TMTC1: variants seen among roughly 807,000 people sequenced by gnomAD.
TMTC1 encodes the protein transmembrane O-mannosyltransferase targeting cadherins 1.
A neutral mutation model predicts 104.8 loss-of-function variants in TMTC1; 73 were observed. The ratio of observed to expected loss-of-function variants is 0.70; its 90% CI spans 0.58 to 0.85. The LOEUF (loss-of-function observed/expected upper bound fraction) is 0.85. TMTC1 is among the 40% of genes least tolerant of loss of function. The pLI is 0.00. For synonymous variants in TMTC1, 434 were observed against 428.7 expected (o/e 1.01, Z -0.15); for missense variants, 1,035 against 1,096.1 (o/e 0.94, Z 0.79).
chr12:29,507,113 T>C, intron 17 of TMTC1, 127 bp from the exon 18 acceptor site: 1 of 762,026 alleles, frequency 1.3e-6, no homozygotes, highest in South Asian at 1.7e-5. Context: ...AAACTCTGTC[T>C]GTATGTGTAA....
intron 1 of TMTC1, among the ~76,000 whole-genome samples, chr12:29,778,901 A>T (rs1241726154): frequency 6.6e-6 from 1 of 152,224 alleles, no homozygotes; most frequent in Non-Finnish European, 1.5e-5. Flanking sequence ...CCAGCAGGGC[A>T]GCAGGGCCAT....
chr12:29,565,494 G>A (rs1260635978), intron 9 of TMTC1, among the ~76,000 whole-genome samples: 1 of 152,152 alleles, frequency 6.6e-6, no homozygotes, highest in African/African-American at 2.4e-5. Context: ...CGACATTTAG[G>A]TTTTACATTA....
intron 5 of TMTC1, among the ~76,000 whole-genome samples, chr12:29,703,143 C>CAAA (rs201319751): frequency 5.3e-5 from 4 of 75,680 alleles, no homozygotes; most frequent in African/African-American, 2.0e-4. Context: ...GACTCAGTCT[C>CAAA]AAAAAAAAAA....
chr12:29,755,709 G>T lies in TMTC1; in HGVS notation c.731C>A (p.Ser244Ter). 2.5e-6 allele frequency: 4 copies of T among 1,611,782 alleles called. No homozygotes were observed. Among genetic ancestry groups the T allele is most frequent in the South Asian group, 2.2e-5 (2 of 90,664 alleles). ...ATATCAAAACTGTAAAATGACTTACGACTTGTCTTGCTTGTTGGAAAGGGA... is the reference window on the plus strand; with the variant it reads ...ATATCAAAACTGTAAAATGACTTACTACTTGTCTTGCTTGTTGGAAAGGGA... ...LFSLSNKQDK[S>*]SNGALCPRSP... Residue 244 changes from serine to a stop codon, truncating the protein, a stop_gained and splice_region_variant, in exon 4 of 18, where the codon TCG becomes TAG. Coordinates refer to ENST00000539277, the MANE Select transcript of TMTC1 (RefSeq NM_001193451.2). LOFTEE classifies it high-confidence loss of function.
intron 9 of TMTC1, among the ~76,000 whole-genome samples, chr12:29,560,165 C>T (rs1464798874): frequency 5.3e-5 from 8 of 152,280 alleles, no homozygotes; most frequent in South Asian, 4.1e-4. Context: ...CTTGACTTTG[C>T]CTTCTACAGG....
At chr12:29,604,906 A>G (rs1340749742) in intron 6 of TMTC1, among the ~76,000 whole-genome samples, 1 of 152,208 alleles carries the variant, frequency 6.6e-6, no homozygotes, top group African/African-American at 2.4e-5. Context: ...TGAATAAAAA[A>G]TCGTTATAAT....
chr12:29,709,125 T>C (rs1367300264), intron 5 of TMTC1, among the ~76,000 whole-genome samples: 1 of 152,322 alleles, frequency 6.6e-6, no homozygotes, highest in South Asian at 2.1e-4. Flanking sequence ...CTCTATTCCA[T>C]CTATAACACA....
intron 7 of TMTC1, among the ~76,000 whole-genome samples, chr12:29,585,791 G>C (rs971098038): frequency 6.6e-6 from 1 of 152,106 alleles, no homozygotes; most frequent in African/African-American, 2.4e-5. Flanking sequence ...CTGTTCCATT[G>C]GTCTATATCT....
intron 1 of TMTC1, among the ~76,000 whole-genome samples, chr12:29,771,954 T>C (rs578247792): frequency 1.3e-5 from 2 of 152,320 alleles, no homozygotes; most frequent in African/African-American, 2.4e-5. Context: ...TCATTCATGA[T>C]TATCATACAA....
chr12:29,514,559 G>C lies in TMTC1; in HGVS notation c.2353C>G (p.Pro785Ala). ...DKALQLKPKD[P>A]KVISELFFTK... ...AAAAAAAGTTCAGAAATGACTTTTGGGTCCTTTGGTTTCAGCTGGAGAGCC... is the reference window on the plus strand; with the variant it reads ...AAAAAAAGTTCAGAAATGACTTTTGCGTCCTTTGGTTTCAGCTGGAGAGCC... The change falls in exon 16 of 18, where the codon CCA (proline) becomes GCA (alanine). Residue 785 changes from proline to alanine, a missense_variant. Coordinates refer to ENST00000539277, the MANE Select transcript of TMTC1 (RefSeq NM_001193451.2). 1.2e-6 allele frequency: 2 copies of C among 1,613,944 alleles called. No homozygotes were observed. The highest frequency in any genetic ancestry group is 1.7e-6 in the Non-Finnish European group (2 of 1,179,928).
At chr12:29,565,757 G>T (rs1160656278) in intron 9 of TMTC1, among the ~76,000 whole-genome samples, 2 of 152,166 alleles carry the variant, frequency 1.3e-5, no homozygotes, top group South Asian at 4.1e-4. Context: ...TGAGGCAAGA[G>T]AATCTCTTGT....
At chr12:29,690,014 T>A (rs1941218490) in intron 5 of TMTC1, among the ~76,000 whole-genome samples, 1 of 152,214 alleles carries the variant, frequency 6.6e-6, no homozygotes, top group Non-Finnish European at 1.5e-5. Flanking sequence ...CTTAGGTGTA[T>A]CTGTGCTGAC....
intron 10 of TMTC1, among the ~76,000 whole-genome samples, chr12:29,541,131 T>TTTC (rs1254530631): frequency 1.3e-5 from 2 of 152,204 alleles, no homozygotes; most frequent in Admixed American, 6.5e-5. Context: ...TTCCCCCATG[T>TTTC]TACATTTTGT....
intron 13 of TMTC1, 97 bp from the exon 14 acceptor site, chr12:29,517,668 C>T: frequency 7.1e-7 from 1 of 1,409,004 alleles, no homozygotes; most frequent in Middle Eastern, 2.1e-4. Flanking sequence ...ATGGTTTGAA[C>T]CTCTGCTCCA....
At chr12:29,573,002 C>A (rs1039582241) in intron 8 of TMTC1, among the ~76,000 whole-genome samples, 1 of 152,164 alleles carries the variant, frequency 6.6e-6, no homozygotes, top group African/African-American at 2.4e-5. Flanking sequence ...TTCTTTCTTG[C>A]CATTCTTGTT....
chr12:29,766,302 C>G (rs1002592912), intron 2 of TMTC1, among the ~76,000 whole-genome samples: 26 of 152,202 alleles, frequency 1.7e-4, no homozygotes, highest in African/African-American at 6.0e-4. Context: ...AACTGGCAAA[C>G]CAGTCCTCAT....
At chr12:29,775,366 G>T (rs1943684234) in intron 1 of TMTC1, among the ~76,000 whole-genome samples, 1 of 152,112 alleles carries the variant, frequency 6.6e-6, no homozygotes, top group Non-Finnish European at 1.5e-5. Context: ...TCAGCCACAA[G>T]TTCCTCAGGC....
rs1943643438 is a variant in TMTC1 at position 29,503,785 on chromosome 12, T to C, written c.*3061A>G. 6.6e-6 allele frequency: 1 copy of C among 152,152 alleles called. No individual in the cohort carries two copies. The highest frequency in any genetic ancestry group is 2.4e-5 in the African/African-American group (1 of 41,446). The allele number at this position is 152,152 out of a possible 1,614,324, so 9.4% of individuals were successfully genotyped here. ...TGTGGACCTCTTGCTCAAAAATTATTAATTATTAAGAATTTCAGTTGGACA... is the reference window on the plus strand; with the variant it reads ...TGTGGACCTCTTGCTCAAAAATTATCAATTATTAAGAATTTCAGTTGGACA... On this transcript the variant is annotated 3_prime_UTR_variant, in exon 18 of 18. Transcript: ENST00000539277.
At chr12:29,542,755 G>A (rs1403145217) in intron 10 of TMTC1, among the ~76,000 whole-genome samples, 4 of 152,060 alleles carry the variant, frequency 2.6e-5, no homozygotes, top group Non-Finnish European at 5.9e-5. Context: ...CTGACCAAAA[G>A]AGAAAGGTGG....
Sources: gnomAD v4.1 joint callset for allele counts (sites outside exome capture counted in the v4.1 genomes callset) on GRCh38, gnomAD v4.1.1 for gene constraint, MANE v1.5 for transcripts, NCBI Gene and HGNC (gene_info 2026-07-23, HGNC 2026-07-21) for gene names.